Variants in NELL2 observed in about 807,000 individuals in gnomAD.
NELL2 encodes the protein protein kinase C-binding protein NELL2.
In NELL2, 41 loss-of-function variants were observed where a neutral mutation model predicts 109.6. That is an observed-to-expected ratio of 0.37 (90% confidence interval 0.29 to 0.49). The LOEUF (loss-of-function observed/expected upper bound fraction) is 0.49. Among genes scored for constraint, NELL2 ranks in the 20% least tolerant of loss-of-function variants. The pLI, the probability that NELL2 is intolerant of heterozygous loss-of-function variation, is 0.98. For missense variants in NELL2, 900 were observed against 1,008.3 expected (o/e 0.89, Z 1.45); for synonymous variants, 355 against 344.7 (o/e 1.03, Z -0.33).
chr12:44,634,976 G>C (rs992371168), intron 13 of NELL2, among the ~76,000 whole-genome samples: 2 of 151,998 alleles, frequency 1.3e-5, no homozygotes, highest in Non-Finnish European at 2.9e-5. Context: ...GATCACCATT[G>C]TATCTGGCGT....
intron 2 of NELL2, among the ~76,000 whole-genome samples, chr12:44,856,013 AT>A (rs1383102769): frequency 6.6e-6 from 1 of 152,242 alleles, no homozygotes; most frequent in East Asian, 1.9e-4. Flanking sequence ...CACGAAAGTA[AT>A]CATATTTGTC....
At chr12:44,594,054 T>G (rs2136229162) in intron 15 of NELL2, among the ~76,000 whole-genome samples, 1 of 152,048 alleles carries the variant, frequency 6.6e-6, no homozygotes, top group African/African-American at 2.4e-5. Flanking sequence ...ACACTACATG[T>G]TCTCACTCAT....
intron 10 of NELL2, among the ~76,000 whole-genome samples, chr12:44,712,371 T>C (rs996644663): frequency 6.6e-6 from 1 of 152,028 alleles, no homozygotes; most frequent in Non-Finnish European, 1.5e-5. Context: ...GCAGGAGGCA[T>C]GTATACAGTG....
Position 44,734,075 on chromosome 12 carries a change from C to T in NELL2, c.995-19334G>A, listed in dbSNP as rs61932411. Among the ~76,000 whole-genome samples the T allele has an allele frequency of 6.5e-3, 989 of 152,054 alleles. 6 individuals are homozygous for T. The highest frequency in any genetic ancestry group is 0.015 in the South Asian group (70 of 4,824). ...TTGCCTAATAATTATTTTGTGTGCT[C>T]ATAGTCTATCAATTACTACAACTTT... On this transcript the variant is annotated intron_variant, in intron 9 of 19. Coordinates refer to ENST00000429094, the MANE Select transcript of NELL2 (RefSeq NM_001145108.2).
chr12:44,623,231 T>G (rs1444011063), intron 13 of NELL2, among the ~76,000 whole-genome samples: 2 of 152,118 alleles, frequency 1.3e-5, no homozygotes, highest in East Asian at 3.9e-4. Context: ...TGTGCATATA[T>G]GTGGGTACGT....
At chr12:44,531,856 C>A (rs905746023) in intron 16 of NELL2, among the ~76,000 whole-genome samples, 1 of 152,156 alleles carries the variant, frequency 6.6e-6, no homozygotes, top group Non-Finnish European at 1.5e-5. Flanking sequence ...CTTCTGATGG[C>A]AAATTCTTTC....
chr12:44,680,087 T>C (rs1012844893), intron 12 of NELL2, among the ~76,000 whole-genome samples: 2 of 152,166 alleles, frequency 1.3e-5, no homozygotes, highest in African/African-American at 4.8e-5. Flanking sequence ...AATTAGAAAC[T>C]AATTTAGTAA....
intron 15 of NELL2, among the ~76,000 whole-genome samples, chr12:44,533,118 C>A (rs1000169394): frequency 6.6e-6 from 1 of 152,106 alleles, no homozygotes; most frequent in Non-Finnish European, 1.5e-5. Context: ...ATAAGTGTCA[C>A]CTCTATGCAG....
At chr12:44,695,472 T>G (rs780560671) in intron 12 of NELL2, among the ~76,000 whole-genome samples, 4 of 152,134 alleles carry the variant, frequency 2.6e-5, no homozygotes, top group Non-Finnish European at 5.9e-5. Context: ...CTGAGTGGGA[T>G]GGTCACTTGA....
chr12:44,645,178 A>G (rs1275876830), intron 13 of NELL2, among the ~76,000 whole-genome samples: 3 of 152,152 alleles, frequency 2.0e-5, no homozygotes, highest in Admixed American at 2.0e-4. Flanking sequence ...AAGTGGAATG[A>G]GACAAGTTAG....
intron 13 of NELL2, among the ~76,000 whole-genome samples, chr12:44,648,150 G>A (rs1366957701): frequency 6.6e-6 from 1 of 152,182 alleles, no homozygotes; most frequent in Non-Finnish European, 1.5e-5. Context: ...GGAATGACAC[G>A]TGTTGGAAGC....
chr12:44,680,354 A>G (rs191647235), intron 12 of NELL2, among the ~76,000 whole-genome samples: 2 of 152,246 alleles, frequency 1.3e-5, no homozygotes, highest in East Asian at 3.9e-4. Flanking sequence ...ACAAACATAT[A>G]TGTTCCACAA....
In NELL2 at chr12:44,557,372, G is replaced by A. The variant is rs151006409; in HGVS notation, c.1664-24651C>T. Among the ~76,000 whole-genome samples the A allele has an allele frequency of 7.2e-4, 110 of 152,270 alleles. 1 individual carries two copies. The highest frequency in any genetic ancestry group is 3.7e-3 in the Admixed American group (57 of 15,294). On this transcript the variant is annotated intron_variant, in intron 15 of 19. Transcript: ENST00000429094. ...CTCTGAAATGCTGTTATCAGTTAAG[G>A]GTAGAGACGGGGCAGTAACAGGATT...
At chr12:44,587,309 T>A (rs4768063) in intron 15 of NELL2, among the ~76,000 whole-genome samples, 26,669 of 63,268 alleles carry the variant, frequency 0.42, 7,206 homozygotes, top group East Asian at 0.8. Context: ...ATATATATAT[T>A]TTTTTTTAAA....
At chr12:44,896,480 C>G (rs1476180015) in intron 1 of NELL2, among the ~76,000 whole-genome samples, 3 of 152,058 alleles carry the variant, frequency 2.0e-5, no homozygotes, top group Non-Finnish European at 4.4e-5. Flanking sequence ...AATTCCGTGA[C>G]CGAGGTGTAC....
chr12:44,769,866 G>A lies in NELL2; in HGVS notation c.994+4881C>T, dbSNP rs575148131. Among the ~76,000 whole-genome samples, 19 of 152,258 alleles carry A rather than the reference G, an allele frequency of 1.2e-4. No homozygotes were observed. In the East Asian group the frequency reaches 3.5e-3, roughly 28 times the overall value. On this transcript the variant is annotated intron_variant, in intron 9 of 19. Coordinates refer to ENST00000429094, the MANE Select transcript of NELL2 (RefSeq NM_001145108.2). ...TTTGACCCGCATCAGAAATATGGATGAGCCTCACAAAGGTGATTCTGAGTA... is the reference window on the plus strand; with the variant it reads ...TTTGACCCGCATCAGAAATATGGATAAGCCTCACAAAGGTGATTCTGAGTA...
chr12:44,769,290 T>A (rs1352496354), intron 9 of NELL2, among the ~76,000 whole-genome samples: 1 of 152,070 alleles, frequency 6.6e-6, no homozygotes, highest in Non-Finnish European at 1.5e-5. Flanking sequence ...AAATAGAAAA[T>A]ACTTACTCTT....
intron 2 of NELL2, among the ~76,000 whole-genome samples, chr12:44,854,773 T>G (rs570740556): frequency 6.6e-6 from 1 of 151,608 alleles, no homozygotes; most frequent in African/African-American, 2.4e-5. Context: ...ACTGGATAGA[T>G]GGACAGATAG....
intron 9 of NELL2, among the ~76,000 whole-genome samples, chr12:44,719,231 G>A (rs1018575130): frequency 6.6e-6 from 1 of 152,150 alleles, no homozygotes; most frequent in African/African-American, 2.4e-5. Context: ...TTATAACACA[G>A]ATTGAGAAAT....
Sources: allele counts gnomAD v4.1 joint callset (sites outside exome capture counted in the v4.1 genomes callset), GRCh38; gene constraint gnomAD v4.1.1; transcripts MANE v1.5; gene names NCBI Gene and HGNC (gene_info 2026-07-23, HGNC 2026-07-21).